CERS3: variants seen among roughly 807,000 people sequenced by gnomAD.
The protein encoded by CERS3 is LAG1 homolog, ceramide synthase 3.
A neutral mutation model predicts 50.3 loss-of-function variants in CERS3; 33 were observed. That is an observed-to-expected ratio of 0.66 (90% CI 0.50 to 0.88). The LOEUF (loss-of-function observed/expected upper bound fraction) is 0.88, where lower values mean the gene tolerates loss of function less well. Ranked by LOEUF, CERS3 falls within the 40% of genes least tolerant of loss-of-function variation. The pLI is 0.00. For synonymous variants in CERS3, 176 were observed against 155.2 expected, an observed-to-expected ratio of 1.13 and a Z score of -0.99; for missense variants, 470 against 460.3, an observed-to-expected ratio of 1.02 and a Z score of -0.19.
At chr15:100,421,754 G>C (rs1030816246) in intron 11 of CERS3, among the ~76,000 whole-genome samples, 1 of 138,474 alleles carries the variant, frequency 7.2e-6, no homozygotes, top group Non-Finnish European at 1.6e-5. Flanking sequence ...CAATGTAACA[G>C]AACAGAGCCC....
chr15:100,410,127 C>T (rs1384555864), intron 11 of CERS3, among the ~76,000 whole-genome samples: 1 of 152,212 alleles, frequency 6.6e-6, no homozygotes. Flanking sequence ...CAATATTATT[C>T]ACTCCACGTT....
intron 11 of CERS3, among the ~76,000 whole-genome samples, chr15:100,415,549 C>T (rs1028830455): frequency 1.3e-5 from 2 of 152,122 alleles, no homozygotes; most frequent in African/African-American, 4.8e-5. Context: ...CCCAAATGCC[C>T]ATCAATGATA....
intron 11 of CERS3, among the ~76,000 whole-genome samples, chr15:100,427,015 A>G (rs1016885113): frequency 1.3e-5 from 2 of 152,258 alleles, no homozygotes; most frequent in African/African-American, 2.4e-5. Flanking sequence ...GCTATATCAG[A>G]TCTCTGTGGC....
At chr15:100,436,875 G>C (rs1170504410) in intron 11 of CERS3, among the ~76,000 whole-genome samples, 2 of 151,430 alleles carry the variant, frequency 1.3e-5, no homozygotes, top group Non-Finnish European at 1.5e-5. Flanking sequence ...AACAGAGAGA[G>C]ACACTGCAAC....
At chr15:100,499,405 C>T (rs1002436802) in intron 3 of CERS3, among the ~76,000 whole-genome samples, 1 of 152,170 alleles carries the variant, frequency 6.6e-6, no homozygotes, top group Non-Finnish European at 1.5e-5. Flanking sequence ...AAGACACAAA[C>T]TATAACTTTC....
intron 1 of CERS3, among the ~76,000 whole-genome samples, chr15:100,522,652 T>G (rs1048093856): frequency 6.6e-6 from 1 of 152,220 alleles, no homozygotes; most frequent in Non-Finnish European, 1.5e-5. Context: ...CTCATTTTCG[T>G]TGACTTTTAA....
intron 11 of CERS3, among the ~76,000 whole-genome samples, chr15:100,455,085 A>G (rs963145667): frequency 3.9e-5 from 6 of 152,154 alleles, no homozygotes; most frequent in African/African-American, 1.4e-4. Flanking sequence ...GCAAAAAGTG[A>G]TTGAAAGACA....
Position 100,521,765 on chromosome 15 carries a change from G to C in CERS3, c.-91-9C>G, listed in dbSNP as rs1893357513. 6.6e-6 allele frequency: 1 copy of C among 152,040 alleles called. No homozygotes were observed. Among genetic ancestry groups the C allele is most frequent in the African/African-American group, 2.4e-5 (1 of 41,400 alleles). 9.4% of individuals were successfully genotyped at this position (152,040 alleles called of 1,614,324 possible). A position where few individuals can be genotyped will look rare whatever the true frequency, so the allele number is the denominator to read the frequency against. ...TTTGTTTCACAACATCCCTAAAGAAGCAGAAAAAGAGAAACATAATTAATA... is the reference window on the plus strand; with the variant it reads ...TTTGTTTCACAACATCCCTAAAGAACCAGAAAAAGAGAAACATAATTAATA... On this transcript the variant is annotated splice_polypyrimidine_tract_variant and intron_variant, in intron 1 of 11. Transcript: ENST00000679737.
Position 100,429,278 on chromosome 15 carries a change from G to T in CERS3, c.1000-26413C>A, listed in dbSNP as rs183193370. On this transcript the variant is annotated intron_variant, in intron 11 of 11. Transcript: ENST00000679737. ...GCCACTGTGTGGAAATGGCTGGAAG[G>T]AGCCCAGCTGGCATACTTGGGAGGC... Among the ~76,000 whole-genome samples, 548 of 152,286 alleles carry T rather than the reference G, an allele frequency of 3.6e-3. 8 individuals carry two copies. The highest frequency in any genetic ancestry group is 0.032 in the Admixed American group (495 of 15,300).
chr15:100,479,514 GA>G, intron 6 of CERS3, 36 bp from the exon 7 acceptor site: 1 of 1,547,632 alleles, frequency 6.5e-7, no homozygotes, highest in Non-Finnish European at 8.8e-7. Context: ...CAACAGATGA[GA>G]AATAAATTGG....
intron 9 of CERS3, 95 bp downstream of exon 9, chr15:100,472,829 A>T: frequency 1.4e-6 from 2 of 1,461,668 alleles, no homozygotes; most frequent in Non-Finnish European, 9.6e-7. Context: ...TTCAGGACAC[A>T]GAGCTCTGCT....
intron 11 of CERS3, among the ~76,000 whole-genome samples, chr15:100,442,772 C>G (rs1035885631): frequency 1.8e-4 from 27 of 152,248 alleles, no homozygotes; most frequent in African/African-American, 6.0e-4. Flanking sequence ...CTGACACTGC[C>G]CGATCACCTC....
At chr15:100,462,905 A>G (rs2034597614) in intron 10 of CERS3, among the ~76,000 whole-genome samples, 1 of 152,224 alleles carries the variant, frequency 6.6e-6, no homozygotes, top group Non-Finnish European at 1.5e-5. Context: ...GTAGATTGCT[A>G]CATTTCCTGC....
intron 2 of CERS3, among the ~76,000 whole-genome samples, chr15:100,505,464 C>T (rs2036149084): frequency 6.6e-6 from 1 of 152,164 alleles, no homozygotes; most frequent in Admixed American, 6.5e-5. Flanking sequence ...TTGAGGATGA[C>T]CTCTTGGAAA....
At chr15:100,507,677 G>A (rs1045680216) in intron 2 of CERS3, among the ~76,000 whole-genome samples, 2 of 152,238 alleles carry the variant, frequency 1.3e-5, no homozygotes, top group Admixed American at 1.3e-4. Flanking sequence ...AAGTTGGTAC[G>A]ATGCCTTTCC....
At position 100,401,436 on chromosome 15, in the gene CERS3, G is replaced by T. The variant is rs8025954; in HGVS notation, c.*1277C>A. ...CAAGTCTTCTCCGGTGCTCCCTTCCGGAGGGTGAGGACAAGCTGGCTACTG... is the reference window on the plus strand; with the variant it reads ...CAAGTCTTCTCCGGTGCTCCCTTCCTGAGGGTGAGGACAAGCTGGCTACTG... On this transcript the variant is annotated 3_prime_UTR_variant, in exon 12 of 12. Transcript: ENST00000679737. 0.53 allele frequency: 80,232 copies of T among 152,130 alleles called. 21,481 individuals are homozygous for T. The highest frequency in any genetic ancestry group is 0.58 in the Non-Finnish European group (39,209 of 68,040). The allele number at this position is 152,130 out of a possible 1,614,324, so 9.4% of individuals were successfully genotyped here.
intron 2 of CERS3, among the ~76,000 whole-genome samples, chr15:100,508,823 A>G (rs1044563835): frequency 3.3e-5 from 5 of 152,202 alleles, no homozygotes; most frequent in Non-Finnish European, 7.4e-5. Flanking sequence ...TTCTCTCTTC[A>G]GCTACTCAAG....
At chr15:100,492,244 T>C (rs1445767814) in intron 3 of CERS3, among the ~76,000 whole-genome samples, 1 of 152,232 alleles carries the variant, frequency 6.6e-6, no homozygotes, top group African/African-American at 2.4e-5. Flanking sequence ...TCAAGTCTTC[T>C]ATTTCCCTGT....
At chr15:100,473,190 A>G (rs2035023649) in intron 8 of CERS3, 138 bp from the exon 9 acceptor site, 1 of 894,344 alleles carries the variant, frequency 1.1e-6, no homozygotes, top group South Asian at 1.8e-5. Flanking sequence ...TTTACTTCCT[A>G]AACACAATCT....
Sources: gnomAD v4.1 joint callset for allele counts (sites outside exome capture counted in the v4.1 genomes callset) on GRCh38, gnomAD v4.1.1 for gene constraint, MANE v1.5 for transcripts, NCBI Gene and HGNC (gene_info 2026-07-23, HGNC 2026-07-21) for gene names.